SLC35F1: variants seen among roughly 807,000 people sequenced by gnomAD.
The protein encoded by SLC35F1 is solute carrier family 35 member F1, also known as chromosome 6 open reading frame 169.
A neutral mutation model predicts 48.7 loss-of-function variants in SLC35F1; 14 were observed. The observed-to-expected ratio is 0.29, with a 90% CI of 0.19 to 0.45. The LOEUF (loss-of-function observed/expected upper bound fraction) is 0.45. Among genes scored for constraint, SLC35F1 ranks in the 20% least tolerant of loss-of-function variants. The pLI is 1.00. For missense variants in SLC35F1, 404 were observed against 500.0 expected, an observed-to-expected ratio of 0.81 and a Z score of 1.83; for synonymous variants, 190 against 202.2, an observed-to-expected ratio of 0.94 and a Z score of 0.51.
At chr6:118,221,274 T>A (rs776655166) in intron 2 of SLC35F1, among the ~76,000 whole-genome samples, 27 of 152,038 alleles carry the variant, frequency 1.8e-4, no homozygotes, top group Non-Finnish European at 3.7e-4. Context: ...TGTCTGTAAA[T>A]GCAACAACAA....
At chr6:118,072,656 G>C (rs1456857224) in intron 1 of SLC35F1, among the ~76,000 whole-genome samples, 2 of 151,496 alleles carry the variant, frequency 1.3e-5, no homozygotes, top group African/African-American at 4.8e-5. Context: ...TTCATTTTTT[G>C]TTCTAATATT....
At chr6:118,222,321 C>T (rs980916) in intron 2 of SLC35F1, among the ~76,000 whole-genome samples, 142,128 of 152,242 alleles carry the variant, frequency 0.93, 66,404 homozygotes, top group East Asian at 0.98. Context: ...ATCTTTCTAG[C>T]GTATTTTAAC....
intron 1 of SLC35F1, among the ~76,000 whole-genome samples, chr6:117,931,073 G>A (rs577787878): frequency 3.7e-4 from 57 of 152,196 alleles, no homozygotes; most frequent in African/African-American, 5.1e-4. Context: ...CACCTGGCCC[G>A]TGGTTAGTTT....
intron 2 of SLC35F1, among the ~76,000 whole-genome samples, chr6:118,208,431 C>T (rs1373268789): frequency 6.6e-6 from 1 of 152,170 alleles, no homozygotes; most frequent in Non-Finnish European, 1.5e-5. Context: ...TTCCAATTTC[C>T]TTTGACCAAG....
chr6:117,945,223 T>C (rs910455396), intron 1 of SLC35F1, among the ~76,000 whole-genome samples: 4 of 152,188 alleles, frequency 2.6e-5, no homozygotes, highest in African/African-American at 9.6e-5. Flanking sequence ...CCTCCTCTAA[T>C]GCTGCTCAGT....
chr6:118,220,029 G>A (rs940349193), intron 2 of SLC35F1, among the ~76,000 whole-genome samples: 2 of 152,058 alleles, frequency 1.3e-5, no homozygotes, highest in Non-Finnish European at 2.9e-5. Flanking sequence ...GGGGTTGGGG[G>A]AGTGGGGAGG....
chr6:117,959,499 C>T (rs897706431), intron 1 of SLC35F1, among the ~76,000 whole-genome samples: 4 of 152,088 alleles, frequency 2.6e-5, no homozygotes, highest in Non-Finnish European at 4.4e-5. Context: ...CAATGCTCAG[C>T]GTGTCATATC....
At chr6:118,090,746 G>A (rs1773061136) in intron 1 of SLC35F1, among the ~76,000 whole-genome samples, 1 of 152,144 alleles carries the variant, frequency 6.6e-6, no homozygotes, top group South Asian at 2.1e-4. Flanking sequence ...GAAATCAGTG[G>A]AGGTTTCAAA....
At chr6:118,144,390 G>A (rs1346576027) in intron 1 of SLC35F1, among the ~76,000 whole-genome samples, 1 of 150,980 alleles carries the variant, frequency 6.6e-6, no homozygotes, top group Non-Finnish European at 1.5e-5. Context: ...TGAACCATGT[G>A]AACACATGGA....
intron 1 of SLC35F1, among the ~76,000 whole-genome samples, chr6:118,021,833 C>T (rs190067276): frequency 6.6e-5 from 10 of 152,272 alleles, no homozygotes; most frequent in East Asian, 3.9e-4. Context: ...TTGGTGGCTC[C>T]GCTATGGCTA....
intron 1 of SLC35F1, among the ~76,000 whole-genome samples, chr6:117,920,760 C>T (rs1775887372): frequency 6.6e-6 from 1 of 152,188 alleles, no homozygotes; most frequent in South Asian, 2.1e-4. Context: ...CCTCCAGCCA[C>T]CCTTAAATGC....
Position 117,907,634 on chromosome 6 carries a change from C to T in SLC35F1, c.-93C>T, listed in dbSNP as rs527903427. 8 of 704,974 alleles carry T rather than the reference C, an allele frequency of 1.1e-5. No homozygotes were observed. In the South Asian group the frequency reaches 2.0e-4, roughly 17 times the overall value. The allele number at this position is 704,974 out of a possible 1,614,324, so 43.7% of individuals were successfully genotyped here. A position where few individuals can be genotyped will look rare whatever the true frequency, so the allele number is the denominator to read the frequency against. On this transcript the variant is annotated 5_prime_UTR_variant, in exon 1 of 8. Coordinates refer to ENST00000360388, the MANE Select transcript of SLC35F1 (RefSeq NM_001029858.4). ...CACCGCCTCCCGGGCCGCGGCCGCC[C>T]GGCCGGGTCCTCTGCGCGTTCCCGG...
intron 1 of SLC35F1, among the ~76,000 whole-genome samples, chr6:117,945,588 C>T (rs1776286163): frequency 6.6e-6 from 1 of 152,110 alleles, no homozygotes; most frequent in Non-Finnish European, 1.5e-5. Context: ...TTAAAATGAT[C>T]ACTGCTTAAA....
intron 7 of SLC35F1, among the ~76,000 whole-genome samples, chr6:118,299,044 G>A (rs901009536): frequency 3.9e-5 from 6 of 152,022 alleles, no homozygotes; most frequent in African/African-American, 1.4e-4. Context: ...AGCCGGGCAT[G>A]GTGGCATGCA....
At chr6:118,117,439 G>A (rs1050334232) in intron 1 of SLC35F1, among the ~76,000 whole-genome samples, 1 of 152,018 alleles carries the variant, frequency 6.6e-6, no homozygotes, top group Non-Finnish European at 1.5e-5. Flanking sequence ...TAAATAGAAG[G>A]AAAATAAATG....
At chr6:117,999,235 G>A in intron 1 of SLC35F1, 1 of 1,596,548 alleles carries the variant, frequency 6.3e-7, no homozygotes, top group Non-Finnish European at 8.5e-7. Context: ...AGATCCCAAA[G>A]GGAGTCAGCT....
rs1357149130 is a variant in SLC35F1 at position 118,274,546 on chromosome 6, C to G, written c.638-913C>G. 3.9e-5 allele frequency among the ~76,000 whole-genome samples: 6 copies of G among 152,026 alleles called. No homozygotes were observed. The East Asian group carries it at 1.2e-3, about 30-fold the overall frequency. On this transcript the variant is annotated intron_variant, in intron 4 of 7. Transcript: ENST00000360388. Reference sequence around the variant, plus strand: ...CCAAGTAGCTGGGATTACAGGCACCCGCCACCACATCTGGCTAATTTTTGT... The same window carrying G: ...CCAAGTAGCTGGGATTACAGGCACCGGCCACCACATCTGGCTAATTTTTGT...
chr6:118,124,723 C>G (rs2114408640), intron 1 of SLC35F1, among the ~76,000 whole-genome samples: 1 of 152,176 alleles, frequency 6.6e-6, no homozygotes, highest in East Asian at 1.9e-4. Flanking sequence ...TTTTTTTCTT[C>G]TCCTTTTGGG....
intron 1 of SLC35F1, among the ~76,000 whole-genome samples, chr6:118,149,669 A>G (rs574016502): frequency 6.6e-6 from 1 of 152,320 alleles, no homozygotes; most frequent in Non-Finnish European, 1.5e-5. Context: ...GCTCATTAGC[A>G]TGACGAATAA....
Sources: gnomAD v4.1 joint callset for allele counts (sites outside exome capture counted in the v4.1 genomes callset) on GRCh38, gnomAD v4.1.1 for gene constraint, MANE v1.5 for transcripts, NCBI Gene and HGNC (gene_info 2026-07-23, HGNC 2026-07-21) for gene names.